The following TCERG1L variants were observed in gnomAD, a reference collection of about 807,000 sequenced individuals.
The protein encoded by TCERG1L is transcription elongation regulator 1 like, also known as transcription elongation regulator 1-like protein.
In TCERG1L, 37 loss-of-function variants were observed where a neutral mutation model predicts 56.3. The observed-to-expected ratio is 0.66, with a 90% CI of 0.51 to 0.87. The LOEUF (loss-of-function observed/expected upper bound fraction) is 0.87, where lower values mean the gene tolerates loss of function less well. Among genes scored for constraint, TCERG1L ranks in the 40% least tolerant of loss-of-function variants. The pLI, the probability that TCERG1L is intolerant of heterozygous loss-of-function variation, is 0.00. For missense variants in TCERG1L, 799 were observed against 774.2 expected (o/e 1.03, Z -0.38); for synonymous variants, 324 against 326.3 (o/e 0.99, Z 0.08).
intron 3 of TCERG1L, among the ~76,000 whole-genome samples, chr10:131,288,135 A>G (rs1846565802): frequency 6.6e-6 from 1 of 152,208 alleles, no homozygotes; most frequent in South Asian, 2.1e-4. Context: ...ACCGGCCACC[A>G]CAAGCCTGCC....
intron 3 of TCERG1L, among the ~76,000 whole-genome samples, chr10:131,264,360 C>T (rs916634952): frequency 2.6e-5 from 4 of 152,196 alleles, no homozygotes; most frequent in Admixed American, 6.5e-5. Flanking sequence ...TGTCGAAGAC[C>T]ACCCACCCAC....
intron 8 of TCERG1L, among the ~76,000 whole-genome samples, chr10:131,132,192 G>A (rs1375351537): frequency 2.6e-5 from 4 of 152,192 alleles, no homozygotes; most frequent in Non-Finnish European, 5.9e-5. Flanking sequence ...GGATGGGCGT[G>A]CTCAGTCCTC....
chr10:131,154,906 G>A (rs1007336560), intron 6 of TCERG1L, among the ~76,000 whole-genome samples: 3 of 152,188 alleles, frequency 2.0e-5, no homozygotes, highest in African/African-American at 4.8e-5. Context: ...TCTCCGCTTC[G>A]GGCCGTGGGC....
At chr10:131,310,202 G>T (rs11017873) in intron 1 of TCERG1L, among the ~76,000 whole-genome samples, 1 of 152,052 alleles carries the variant, frequency 6.6e-6, no homozygotes, top group African/African-American at 2.4e-5. Context: ...TTTTAAAGCA[G>T]AATTTAAAAA....
intron 3 of TCERG1L, among the ~76,000 whole-genome samples, chr10:131,270,257 G>A (rs1463610145): frequency 6.6e-6 from 1 of 152,232 alleles, no homozygotes; most frequent in Non-Finnish European, 1.5e-5. Context: ...AGGGCGCAAA[G>A]CCAGCCAGAG....
chr10:131,175,660 T>C (rs1235260039), intron 4 of TCERG1L, among the ~76,000 whole-genome samples: 1 of 152,220 alleles, frequency 6.6e-6, no homozygotes. Flanking sequence ...AAAGTAGGGA[T>C]GTTAAAAGCA....
intron 4 of TCERG1L, among the ~76,000 whole-genome samples, chr10:131,234,959 C>G (rs1054068266): frequency 6.6e-5 from 10 of 152,198 alleles, no homozygotes; most frequent in Non-Finnish European, 1.3e-4. Context: ...ACCTCTGCCT[C>G]CCAAAGTGGT....
In TCERG1L at chr10:131,281,686, G is replaced by A. The variant is rs577794136; in HGVS notation, c.671-21242C>T. The stretch of plus-strand genomic sequence containing the variant: ...CAGTCCCCCTGGCTACTCTCCCGAC[G>A]CTCCGTCCTAAAGTCCCTATTGGGA... On this transcript the variant is annotated intron_variant, in intron 3 of 11. Transcript: ENST00000368642. Among the ~76,000 whole-genome samples the A allele has an allele frequency of 1.5e-4, 22 of 151,512 alleles. 1 individual carries two copies. The highest frequency in any genetic ancestry group is 5.1e-4 in the African/African-American group (21 of 41,172).
intron 4 of TCERG1L, among the ~76,000 whole-genome samples, chr10:131,197,679 T>G (rs1424165254): frequency 6.6e-6 from 1 of 152,178 alleles, no homozygotes; most frequent in African/African-American, 2.4e-5. Flanking sequence ...AACACGTGCA[T>G]GCAGATAGCA....
intron 4 of TCERG1L, among the ~76,000 whole-genome samples, chr10:131,192,114 T>C (rs1260258540): frequency 7.0e-6 from 1 of 142,702 alleles, no homozygotes; most frequent in Non-Finnish European, 1.5e-5. Context: ...GGAGAAAATA[T>C]TTGCAAACTA....
intron 4 of TCERG1L, among the ~76,000 whole-genome samples, chr10:131,177,870 T>C (rs1429052969): frequency 6.6e-6 from 1 of 150,426 alleles, no homozygotes; most frequent in Non-Finnish European, 1.5e-5. Flanking sequence ...CTTCTTCCCG[T>C]CTCGATCTCG....
intron 3 of TCERG1L, among the ~76,000 whole-genome samples, chr10:131,291,396 C>CCTTTTT (rs1167056441): frequency 4.4e-5 from 3 of 67,698 alleles, no homozygotes; most frequent in Admixed American, 2.1e-4. Context: ...CCATAAACAG[C>CCTTTTT]ATTTCTTTTT....
chr10:131,137,832 G>C (rs1215845826), intron 7 of TCERG1L, among the ~76,000 whole-genome samples: 2 of 152,162 alleles, frequency 1.3e-5, no homozygotes, highest in African/African-American at 4.8e-5. Context: ...AACCAGAGGG[G>C]TTGCCGTGCA....
At chr10:131,174,369 G>T (rs555211848) in intron 4 of TCERG1L, among the ~76,000 whole-genome samples, 1 of 152,296 alleles carries the variant, frequency 6.6e-6, no homozygotes, top group Non-Finnish European at 1.5e-5. Context: ...CTTGAAGCTG[G>T]CGCAGGTCTT....
chr10:131,153,463 G>C (rs1003404157), intron 6 of TCERG1L, among the ~76,000 whole-genome samples: 1 of 152,154 alleles, frequency 6.6e-6, no homozygotes, highest in African/African-American at 2.4e-5. Flanking sequence ...CAGAGTCCTC[G>C]TGGAATGCTC....
intron 4 of TCERG1L, among the ~76,000 whole-genome samples, chr10:131,172,450 T>A (rs1008178822): frequency 1.3e-5 from 2 of 152,244 alleles, no homozygotes; most frequent in African/African-American, 4.8e-5. Context: ...GGAAATCTCT[T>A]AGGCTGAGGA....
At chr10:131,253,294 G>A (rs544312854) in intron 4 of TCERG1L, among the ~76,000 whole-genome samples, 18 of 152,256 alleles carry the variant, frequency 1.2e-4, no homozygotes, top group Admixed American at 9.2e-4. Flanking sequence ...GAAAATCCTC[G>A]GAAAAGGATT....
intron 4 of TCERG1L, among the ~76,000 whole-genome samples, chr10:131,192,624 T>C (rs1845317168): frequency 7.0e-6 from 1 of 142,302 alleles, no homozygotes; most frequent in South Asian, 2.2e-4. Flanking sequence ...AACTAATGAG[T>C]AGATAAAGAA....
chr10:131,175,476 TG>T (rs1846138469), intron 4 of TCERG1L, among the ~76,000 whole-genome samples: 1 of 152,216 alleles, frequency 6.6e-6, no homozygotes, highest in Non-Finnish European at 1.5e-5. Context: ...CTTGTCCCAC[TG>T]GGTCCAGAGG....
Sources: allele counts gnomAD v4.1 joint callset (sites outside exome capture counted in the v4.1 genomes callset), GRCh38; gene constraint gnomAD v4.1.1; transcripts MANE v1.5; gene names NCBI Gene and HGNC (gene_info 2026-07-23, HGNC 2026-07-21).